NFIA: variants seen among roughly 807,000 people sequenced by gnomAD.
NFIA encodes the protein nuclear factor 1 A-type.
A neutral mutation model predicts 62.8 loss-of-function variants in NFIA; 8 were observed. The ratio of observed to expected loss-of-function variants is 0.13; its 90% CI spans 0.07 to 0.23. The LOEUF is 0.23. Ranked by LOEUF, NFIA falls within the 10% of genes least tolerant of loss-of-function variation. NFIA has a pLI of 1.00. For synonymous variants in NFIA, 235 were observed against 238.1 expected (o/e 0.99, Z 0.12); for missense variants, 410 against 642.1 (o/e 0.64, Z 3.91).
chr1:61,291,031 A>T (rs1478845236), intron 3 of NFIA, among the ~76,000 whole-genome samples: 2 of 152,216 alleles, frequency 1.3e-5, no homozygotes, highest in Non-Finnish European at 2.9e-5. Flanking sequence ...AGCTGGCCTT[A>T]TGAGAGGAAA....
At position 61,373,876 on chromosome 1, in the gene NFIA, A is replaced by T. The variant is rs6587923; in HGVS notation, c.947-9361A>T. Among the ~76,000 whole-genome samples the T allele has an allele frequency of 5.8e-3, 887 of 152,204 alleles. 10 individuals carry two copies. The highest frequency in any genetic ancestry group is 0.04 in the East Asian group (207 of 5,180). On this transcript the variant is annotated intron_variant, in intron 6 of 10. Transcript: ENST00000403491. ...TACTGTTGTACAGCATGACCAAAAAAGTAAAAAGTTATTTGGTATCATATC... is the reference window on the plus strand; with the variant it reads ...TACTGTTGTACAGCATGACCAAAAATGTAAAAAGTTATTTGGTATCATATC...
intron 2 of NFIA, among the ~76,000 whole-genome samples, chr1:61,158,485 T>C (rs1279582875): frequency 2.6e-5 from 4 of 152,202 alleles, no homozygotes; most frequent in Non-Finnish European, 4.4e-5. Flanking sequence ...TATTTACTCA[T>C]TCAGATGCCT....
intron 2 of NFIA, among the ~76,000 whole-genome samples, chr1:61,235,063 A>C (rs1487327765): frequency 6.6e-6 from 1 of 152,172 alleles, no homozygotes; most frequent in East Asian, 1.9e-4. Context: ...AGCTATTCCC[A>C]CAAAAATAAG....
At chr1:61,438,207 T>C (rs902533336) in intron 10 of NFIA, among the ~76,000 whole-genome samples, 2 of 152,216 alleles carry the variant, frequency 1.3e-5, no homozygotes, top group Non-Finnish European at 2.9e-5. Context: ...TTTTAGCCTT[T>C]CTGACCCTCA....
chr1:61,179,872 C>A (rs1650635448), intron 2 of NFIA, among the ~76,000 whole-genome samples: 1 of 152,158 alleles, frequency 6.6e-6, no homozygotes, highest in Admixed American at 6.5e-5. Flanking sequence ...ATATCAAGCA[C>A]TAGACTAAAG....
chr1:61,177,271 GTCTC>G (rs1292781859), intron 2 of NFIA, among the ~76,000 whole-genome samples: 3 of 152,060 alleles, frequency 2.0e-5, no homozygotes, highest in East Asian at 1.9e-4. Context: ...CCACATTTGG[GTCTC>G]TCTATTTATG....
intron 3 of NFIA, among the ~76,000 whole-genome samples, chr1:61,330,237 T>C (rs776299999): frequency 7.2e-5 from 11 of 152,136 alleles, no homozygotes; most frequent in Non-Finnish European, 1.3e-4. Context: ...TCTCAGTAAA[T>C]GATAAAGAGT....
chr1:61,406,868 C>A (rs752731836), intron 9 of NFIA, 141 bp downstream of exon 9: 1 of 1,019,844 alleles, frequency 9.8e-7, no homozygotes, highest in Non-Finnish European at 1.4e-6. Flanking sequence ...TTTGCCAGAC[C>A]GAGAATCAAA....
chr1:61,362,741 C>G (rs1663367488), intron 6 of NFIA, among the ~76,000 whole-genome samples: 1 of 152,216 alleles, frequency 6.6e-6, no homozygotes, highest in South Asian at 2.1e-4. Context: ...ATGACTTTCG[C>G]TTCTCTTACA....
At chr1:61,251,031 C>G (rs569350663) in intron 2 of NFIA, 1 of 152,130 alleles carries the variant, frequency 6.6e-6, no homozygotes, top group Non-Finnish European at 1.5e-5. Flanking sequence ...CACTTTTGTC[C>G]CATCCCTCTG....
intron 2 of NFIA, among the ~76,000 whole-genome samples, chr1:61,090,220 C>T (rs531387542): frequency 9.2e-5 from 14 of 152,006 alleles, no homozygotes; most frequent in Non-Finnish European, 1.3e-4. Flanking sequence ...CACAGCAAAA[C>T]GCAAAAAAAG....
intron 2 of NFIA, among the ~76,000 whole-genome samples, chr1:61,105,236 T>A (rs941922839): frequency 2.0e-5 from 3 of 151,918 alleles, no homozygotes; most frequent in Non-Finnish European, 4.4e-5. Flanking sequence ...AGAAATACAG[T>A]TTAGATGTAG....
At chr1:61,324,209 G>A (rs1173074814) in intron 3 of NFIA, among the ~76,000 whole-genome samples, 1 of 152,178 alleles carries the variant, frequency 6.6e-6, no homozygotes, top group Non-Finnish European at 1.5e-5. Flanking sequence ...TGAGAGCAGT[G>A]TCCCCAGGGA....
At chr1:61,224,033 G>A (rs183199942) in intron 2 of NFIA, among the ~76,000 whole-genome samples, 1 of 151,950 alleles carries the variant, frequency 6.6e-6, no homozygotes, top group Non-Finnish European at 1.5e-5. Flanking sequence ...AGGTGGGGAG[G>A]ACTTTTAATG....
intron 2 of NFIA, among the ~76,000 whole-genome samples, chr1:61,203,061 G>T (rs899003462): frequency 6.6e-6 from 1 of 152,202 alleles, no homozygotes; most frequent in Non-Finnish European, 1.5e-5. Context: ...ACAATATAGC[G>T]ATTTCCTGTT....
intron 2 of NFIA, among the ~76,000 whole-genome samples, chr1:61,182,646 AAC>A (rs1650833331): frequency 6.6e-6 from 1 of 152,224 alleles, no homozygotes; most frequent in African/African-American, 2.4e-5. Context: ...ATGAAATCAT[AAC>A]AGTTTGGCTT....
chr1:61,414,902 C>T (rs889886481), intron 9 of NFIA, among the ~76,000 whole-genome samples: 57 of 152,052 alleles, frequency 3.7e-4, no homozygotes, highest in Admixed American at 3.7e-3. Flanking sequence ...ATTCTTGTAA[C>T]CAATACCACA....
At chr1:61,079,775 C>G (rs1359960996), upstream of NFIA, among the ~76,000 whole-genome samples, 2 of 152,196 alleles carry the variant, frequency 1.3e-5, no homozygotes, top group African/African-American at 4.8e-5. Flanking sequence ...TTTGTGAACT[C>G]TGGACAAGGA....
In NFIA at chr1:61,082,562, G is replaced by A. The variant is rs563417779; in HGVS notation, c.-230G>A. The A allele has an allele frequency of 1.4e-4, 209 of 1,458,624 alleles. 2 individuals are homozygous for A. The East Asian group carries it at 4.1e-3, about 28-fold the overall frequency. The allele number at this position is 1,458,624 out of a possible 1,614,324, so 90.4% of individuals were successfully genotyped here. A position where few individuals can be genotyped will look rare whatever the true frequency, so the allele number is the denominator to read the frequency against. On this transcript the variant is annotated 5_prime_UTR_variant, in exon 1 of 11. Coordinates refer to ENST00000403491, the MANE Select transcript of NFIA (RefSeq NM_001134673.4). ...GTGGAGTGTAGGGAAACTCTAGGCGGGGTTAAAGTTCAGCTCATGGAGCGG... is the reference window on the plus strand; with the variant it reads ...GTGGAGTGTAGGGAAACTCTAGGCGAGGTTAAAGTTCAGCTCATGGAGCGG...
Sources: gnomAD v4.1 joint callset for allele counts (sites outside exome capture counted in the v4.1 genomes callset) on GRCh38, gnomAD v4.1.1 for gene constraint, MANE v1.5 for transcripts, NCBI Gene and HGNC (gene_info 2026-07-23, HGNC 2026-07-21) for gene names.